The following PINX1 variants were observed in gnomAD, a reference collection of about 807,000 sequenced individuals.
The protein encoded by PINX1 is PIN2 (TERF1) interacting telomerase inhibitor 1.
A neutral mutation model predicts 25.4 loss-of-function variants in PINX1; 34 were observed. That is an observed-to-expected ratio of 1.34 (90% CI 1.02 to 1.78). The LOEUF is 1.78. Among genes scored for constraint, PINX1 ranks in the 40% most tolerant of loss-of-function variants. The probability of loss-of-function intolerance (pLI) is 0.00; values close to 1 mark genes in which losing one functional copy is unlikely to be tolerated. For missense variants in PINX1, 592 were observed against 404.9 expected (o/e 1.46, Z -3.97); for synonymous variants, 197 against 147.7 (o/e 1.33, Z -2.42).
chr8:10,824,115 C>G (rs983440867), intron 5 of PINX1, among the ~76,000 whole-genome samples: 1 of 152,138 alleles, frequency 6.6e-6, no homozygotes, highest in Non-Finnish European at 1.5e-5. Context: ...TGGGTCATTT[C>G]TAATAAATCA....
intron 6 of PINX1, among the ~76,000 whole-genome samples, chr8:10,782,432 T>A (rs13272296): frequency 0.32 from 24,785 of 76,412 alleles, 2,395 homozygotes; most frequent in Non-Finnish European, 0.38. Flanking sequence ...AAAAAAAAAA[T>A]TTTTTTTTTT....
chr8:10,787,571 A>G lies in PINX1; in HGVS notation c.472-21655T>C, dbSNP rs868517242. The stretch of plus-strand genomic sequence containing the variant: ...TTAGTATTTTGAAAGAGTTTACAAT[A>G]TTATTATCTTTCAGATTACACTGTA... On this transcript the variant is annotated intron_variant, in intron 6 of 6. Coordinates refer to ENST00000314787, the MANE Select transcript of PINX1 (RefSeq NM_017884.6). The G allele has an allele frequency of 1.6e-5, 4 of 252,466 alleles. No homozygotes were observed. In the Middle Eastern group the frequency reaches 1.4e-3, roughly 89 times the overall value. The allele number at this position is 252,466 out of a possible 1,614,324, so 15.6% of individuals were successfully genotyped here. A position where few individuals can be genotyped will look rare whatever the true frequency, so the allele number is the denominator to read the frequency against.
chr8:10,766,626 T>A (rs758704182), intron 6 of PINX1, among the ~76,000 whole-genome samples: 2 of 152,228 alleles, frequency 1.3e-5, no homozygotes, highest in Non-Finnish European at 2.9e-5. Context: ...AAATGCCCCC[T>A]CCTTCCCTAA....
Position 10,826,221 on chromosome 8 carries a change from T to G in PINX1, c.325A>C (p.Lys109Gln). The G allele has an allele frequency of 6.3e-7, 1 of 1,585,360 alleles. No homozygotes were observed. Among genetic ancestry groups the G allele is most frequent in the East Asian group, 2.2e-5 (1 of 44,726 alleles). ...GACTTTTCCTCAAGGCTAAAAGATT[T>G]CTTTTCCTTCTTGTCCGAGGAATCT... ...TTDSSDKKEK[K>Q]SFSLEEKSKI... Residue 109 changes from lysine (K) to glutamine (Q), a missense_variant, in exon 5 of 7, where the codon AAA becomes CAA. By Grantham distance (53) the Lys-to-Gln change is moderately conservative. Coordinates refer to ENST00000314787, the MANE Select transcript of PINX1 (RefSeq NM_017884.6).
intron 5 of PINX1, chr8:10,825,425 G>A: frequency 1.9e-6 from 1 of 534,804 alleles, no homozygotes; most frequent in Non-Finnish European, 3.8e-6. Flanking sequence ...TAATAAGTAG[G>A]TTTCTAATTC....
intron 5 of PINX1, among the ~76,000 whole-genome samples, chr8:10,821,557 T>G (rs566261107): frequency 2.0e-5 from 3 of 152,132 alleles, no homozygotes; most frequent in South Asian, 2.1e-4. Flanking sequence ...GAAAACCTAC[T>G]TAAGAATAGA....
intron 1 of PINX1, 58 bp downstream of exon 1, chr8:10,839,680 G>T (rs772368833): frequency 1.3e-6 from 2 of 1,555,120 alleles, no homozygotes; most frequent in South Asian, 1.2e-5. Context: ...GCTGCCGTGC[G>T]CGTCACCCGG....
chr8:10,833,025 C>G, intron 2 of PINX1, 41 bp from the exon 3 acceptor site: 2 of 1,283,528 alleles, frequency 1.6e-6, no homozygotes, highest in Non-Finnish European at 1.1e-6. Flanking sequence ...ATTCCTCTCA[C>G]TGATACTCAG....
rs189167078 is a variant in PINX1 at position 10,820,200 on chromosome 8, G to A, written c.464C>T (p.Thr155Ile). ...CIFGKRQSKK[T>I]PEGDASPSTP... ...CTGTACGTGGCTTTATACCTCGGGA[G>A]TCTTCTTACTCTGTCTTTTCCCAAA... The change falls in exon 6 of 7, where the codon ACT (threonine) becomes ATT (isoleucine). Residue 155 changes from threonine to isoleucine, a missense_variant. Thr to Ile is a moderately conservative substitution (Grantham distance 89). Transcript: ENST00000314787. 5.8e-5 allele frequency: 93 copies of A among 1,604,920 alleles called. No homozygotes were observed. In the African/African-American group the frequency reaches 9.0e-4, roughly 15 times the overall value.
intron 6 of PINX1, among the ~76,000 whole-genome samples, chr8:10,812,796 GCA>G (rs1197077148): frequency 6.6e-6 from 1 of 152,232 alleles, no homozygotes; most frequent in African/African-American, 2.4e-5. Flanking sequence ...CAGCAAGTGG[GCA>G]CAGCCTCCCT....
chr8:10,814,303 G>C lies in PINX1; in HGVS notation c.471+5890C>G, dbSNP rs567038211. On this transcript the variant is annotated intron_variant, in intron 6 of 6. Transcript: ENST00000314787. The stretch of plus-strand genomic sequence containing the variant: ...TTCTGAGCAACTGGCAGTTCGTGAT[G>C]ATCTTTCACCATTGAAGCAAGTACT... Among the ~76,000 whole-genome samples, 13 of 152,336 alleles carry C rather than the reference G, an allele frequency of 8.5e-5. No homozygotes were observed. The South Asian group carries it at 1.7e-3, about 19-fold the overall frequency.
chr8:10,810,210 G>A (rs1424429326), intron 6 of PINX1, among the ~76,000 whole-genome samples: 1 of 152,160 alleles, frequency 6.6e-6, no homozygotes, highest in African/African-American at 2.4e-5. Flanking sequence ...GGTTTGGAGG[G>A]GACACACGTC....
Position 10,834,338 on chromosome 8 carries a change from G to A in PINX1, c.129+328C>T, listed in dbSNP as rs1798327826. 3 of 221,360 alleles carry A rather than the reference G, an allele frequency of 1.4e-5. No individual in the cohort carries two copies. The South Asian group carries it at 2.9e-4, about 21-fold the overall frequency. 13.7% of individuals were successfully genotyped at this position (221,360 alleles called of 1,614,324 possible). A position where few individuals can be genotyped will look rare whatever the true frequency, so the allele number is the denominator to read the frequency against. ...CCCACTGATTTGGCACTTAGAGATC[G>A]CTAAAGACCTCAACAAGAACCATTT... On this transcript the variant is annotated intron_variant, in intron 2 of 6. Transcript: ENST00000314787.
intron 5 of PINX1, among the ~76,000 whole-genome samples, chr8:10,824,544 G>C (rs769005453): frequency 1.1e-4 from 17 of 152,156 alleles, no homozygotes; most frequent in Non-Finnish European, 2.5e-4. Context: ...ACGAAGGCAC[G>C]AGGCACTCAG....
In PINX1 at chr8:10,765,348, C is replaced by T; in HGVS notation, c.*53G>A. ...TGTGACTTCAGGCCAGAGGTGTCTG[C>T]CCCCGCAGTGCCCTGACAGCTGAGT... On this transcript the variant is annotated 3_prime_UTR_variant, in exon 7 of 7. Coordinates refer to ENST00000314787, the MANE Select transcript of PINX1 (RefSeq NM_017884.6). The T allele has an allele frequency of 6.7e-7, 1 of 1,481,482 alleles. No individual in the cohort carries two copies. Among genetic ancestry groups the T allele is most frequent in the Non-Finnish European group, 9.0e-7 (1 of 1,111,544 alleles). 91.8% of individuals were successfully genotyped at this position (1,481,482 alleles called of 1,614,324 possible).
chr8:10,796,466 T>C (rs1247982089), intron 6 of PINX1, among the ~76,000 whole-genome samples: 3 of 152,112 alleles, frequency 2.0e-5, no homozygotes, highest in Admixed American at 6.5e-5. Flanking sequence ...AGAGAGCAGC[T>C]TGGGAAAGGG....
At chr8:10,830,365 G>C (rs1002047182) in intron 4 of PINX1, among the ~76,000 whole-genome samples, 2 of 152,204 alleles carry the variant, frequency 1.3e-5, no homozygotes, top group Admixed American at 6.5e-5. Context: ...CCTATGGTTA[G>C]ATGTGTGCTG....
At chr8:10,824,540 G>C (rs978405122) in intron 5 of PINX1, among the ~76,000 whole-genome samples, 3 of 152,154 alleles carry the variant, frequency 2.0e-5, no homozygotes, top group African/African-American at 7.2e-5. Context: ...GAAAACGAAG[G>C]CACGAGGCAC....
chr8:10,806,602 A>G (rs1344155771), intron 6 of PINX1, among the ~76,000 whole-genome samples: 1 of 152,168 alleles, frequency 6.6e-6, no homozygotes, highest in African/African-American at 2.4e-5. Context: ...CCTTTCCTTC[A>G]ATAACGATTT....
Sources: allele counts gnomAD v4.1 joint callset (sites outside exome capture counted in the v4.1 genomes callset), GRCh38; gene constraint gnomAD v4.1.1; transcripts MANE v1.5; gene names NCBI Gene and HGNC (gene_info 2026-07-23, HGNC 2026-07-21).